The following WWOX variants were observed in gnomAD, a reference collection of about 807,000 sequenced individuals.
WWOX encodes the protein WW domain containing oxidoreductase.
A neutral mutation model predicts 46.2 loss-of-function variants in WWOX; 69 were observed. The observed-to-expected ratio is 1.49, with a 90% CI of 1.23 to 1.82. The LOEUF (loss-of-function observed/expected upper bound fraction) is 1.82, where lower values mean the gene tolerates loss of function less well. WWOX is among the 40% of genes most tolerant of loss of function. The pLI is 0.00. For missense variants in WWOX, 919 were observed against 542.6 expected, an observed-to-expected ratio of 1.69 and a Z score of -6.89; for synonymous variants, 359 against 202.6, an observed-to-expected ratio of 1.77 and a Z score of -6.56.
intron 5 of WWOX, chr16:78,278,807 T>A (rs2079627010): frequency 1.4e-6 from 1 of 730,072 alleles, no homozygotes; most frequent in South Asian, 1.9e-5. Flanking sequence ...ATGATTTAAT[T>A]TATACCTTTA....
At chr16:78,679,610 C>G (rs369048601) in intron 8 of WWOX, among the ~76,000 whole-genome samples, 35 of 152,228 alleles carry the variant, frequency 2.3e-4, no homozygotes, top group African/African-American at 8.2e-4. Flanking sequence ...TTCTCCCCAC[C>G]TCTTTTAATT....
At chr16:78,322,691 T>C (rs974356864) in intron 5 of WWOX, among the ~76,000 whole-genome samples, 2 of 152,242 alleles carry the variant, frequency 1.3e-5, no homozygotes, top group Non-Finnish European at 2.9e-5. Context: ...TCAACAAAGT[T>C]ACTCTGTGGA....
At chr16:79,017,605 T>C (rs1597282909) in intron 8 of WWOX, among the ~76,000 whole-genome samples, 1 of 152,140 alleles carries the variant, frequency 6.6e-6, no homozygotes, top group African/African-American at 2.4e-5. Context: ...AAAACAGCCA[T>C]GGACAATTCA....
chr16:78,765,686 A>G (rs2049910509), intron 8 of WWOX, among the ~76,000 whole-genome samples: 1 of 152,172 alleles, frequency 6.6e-6, no homozygotes, highest in Admixed American at 6.5e-5. Flanking sequence ...CTAAAAAAAA[A>G]GAAGAGTTGG....
At chr16:79,155,143 C>T (rs1037930165) in intron 8 of WWOX, among the ~76,000 whole-genome samples, 7 of 152,120 alleles carry the variant, frequency 4.6e-5, no homozygotes, top group Admixed American at 6.5e-5. Context: ...TTTGGGAGGC[C>T]GAGGCAGGCA....
chr16:78,790,599 C>T (rs908422005), intron 8 of WWOX, among the ~76,000 whole-genome samples: 1 of 152,164 alleles, frequency 6.6e-6, no homozygotes, highest in Non-Finnish European at 1.5e-5. Flanking sequence ...AAAAGAGGAG[C>T]CTGTTTTCTC....
intron 8 of WWOX, among the ~76,000 whole-genome samples, chr16:79,110,237 CAT>C (rs2049391302): frequency 6.6e-6 from 1 of 152,260 alleles, no homozygotes; most frequent in East Asian, 1.9e-4. Flanking sequence ...AGGTTTGACT[CAT>C]GTGATAATTG....
chr16:78,866,718 A>T (rs556207391), intron 8 of WWOX, among the ~76,000 whole-genome samples: 2 of 152,344 alleles, frequency 1.3e-5, no homozygotes, highest in Admixed American at 6.5e-5. Flanking sequence ...AATCAAGGAC[A>T]TTGGCAATAA....
chr16:78,512,679 G>C (rs1359429839), intron 8 of WWOX, among the ~76,000 whole-genome samples: 4 of 152,274 alleles, frequency 2.6e-5, no homozygotes, highest in Admixed American at 6.5e-5. Flanking sequence ...TCATTTCGCA[G>C]GTTTTCATGT....
At chr16:79,149,355 C>T (rs1434327364) in intron 8 of WWOX, among the ~76,000 whole-genome samples, 1 of 152,142 alleles carries the variant, frequency 6.6e-6, no homozygotes, top group African/African-American at 2.4e-5. Flanking sequence ...AATATTGAAC[C>T]AGCCTTGAAG....
At chr16:78,620,116 G>T (rs1187857046) in intron 8 of WWOX, among the ~76,000 whole-genome samples, 1 of 152,138 alleles carries the variant, frequency 6.6e-6, no homozygotes, top group East Asian at 1.9e-4. Context: ...GCACACAGTT[G>T]ATGAGGATGG....
chr16:78,867,815 C>G (rs1330910606), intron 8 of WWOX, among the ~76,000 whole-genome samples: 2 of 152,100 alleles, frequency 1.3e-5, no homozygotes, highest in African/African-American at 2.4e-5. Context: ...ATCGCTGCCA[C>G]TGTAAAATGA....
chr16:78,137,821 C>G (rs1420048885), intron 4 of WWOX, among the ~76,000 whole-genome samples: 1 of 151,258 alleles, frequency 6.6e-6, no homozygotes, highest in Non-Finnish European at 1.5e-5. Context: ...AAAGCTATGG[C>G]TCTATGTGCT....
At chr16:78,104,268 ACACT>A (rs1289662462) in intron 1 of WWOX, among the ~76,000 whole-genome samples, 1 of 148,214 alleles carries the variant, frequency 6.7e-6, no homozygotes. Context: ...ACACACACAC[ACACT>A]GGCTGTCCTC....
intron 5 of WWOX, among the ~76,000 whole-genome samples, chr16:78,198,007 G>C (rs2036110136): frequency 6.6e-6 from 1 of 151,660 alleles, no homozygotes; most frequent in South Asian, 2.1e-4. Context: ...AGTTATGGTG[G>C]AGCAAAGGGC....
chr16:79,194,781 C>G (rs1276471173), intron 8 of WWOX, among the ~76,000 whole-genome samples: 1 of 152,108 alleles, frequency 6.6e-6, no homozygotes, highest in East Asian at 1.9e-4. Context: ...AATAATTTTT[C>G]CCCGTATTAT....
chr16:78,272,962 C>A (rs2079509013), intron 5 of WWOX, among the ~76,000 whole-genome samples: 1 of 152,148 alleles, frequency 6.6e-6, no homozygotes, highest in Non-Finnish European at 1.5e-5. Flanking sequence ...TTTCCAAAAT[C>A]TGGGACATAA....
intron 8 of WWOX, among the ~76,000 whole-genome samples, chr16:78,489,264 C>T (rs2151458960): frequency 6.6e-6 from 1 of 152,308 alleles, no homozygotes. Flanking sequence ...CCACCACCAG[C>T]TGTAACATAA....
intron 8 of WWOX, among the ~76,000 whole-genome samples, chr16:78,961,050 A>T (rs1246019355): frequency 6.6e-6 from 1 of 152,152 alleles, no homozygotes; most frequent in Non-Finnish European, 1.5e-5. Context: ...ACATCTGGGC[A>T]TGATGACCCT....
Sources: gnomAD v4.1 joint callset for allele counts (sites outside exome capture counted in the v4.1 genomes callset) on GRCh38, gnomAD v4.1.1 for gene constraint, MANE v1.5 for transcripts, NCBI Gene and HGNC (gene_info 2026-07-23, HGNC 2026-07-21) for gene names.